FGGY: variants seen among roughly 807,000 people sequenced by gnomAD.
FGGY encodes the protein FGGY carbohydrate kinase domain-containing protein.
FGGY carries 72 observed loss-of-function variants against 71.3 expected under a neutral mutation model. The observed-to-expected ratio is 1.01, with a 90% CI of 0.84 to 1.23. The LOEUF is 1.23. Among genes scored for constraint, FGGY ranks in the 50% most tolerant of loss-of-function variants. The pLI is 0.00. For missense variants in FGGY, 668 were observed against 682.3 expected (o/e 0.98, Z 0.23); for synonymous variants, 251 against 250.3 (o/e 1.00, Z -0.02).
intron 14 of FGGY, among the ~76,000 whole-genome samples, chr1:59,722,264 T>C (rs1428711914): frequency 6.6e-6 from 1 of 152,166 alleles, no homozygotes; most frequent in Non-Finnish European, 1.5e-5. Context: ...GGATACTTAC[T>C]ATCAGTGTAA....
intron 8 of FGGY, among the ~76,000 whole-genome samples, chr1:59,575,965 C>A (rs910506438): frequency 7.9e-5 from 12 of 152,116 alleles, no homozygotes; most frequent in Non-Finnish European, 1.5e-4. Context: ...AAGATCATAT[C>A]ATCTGCAAAT....
chr1:59,470,596 C>T (rs112951684), intron 6 of FGGY, among the ~76,000 whole-genome samples: 22 of 152,296 alleles, frequency 1.4e-4, no homozygotes, highest in African/African-American at 4.8e-4. Context: ...GGAGCATTCA[C>T]ACCAATACTA....
chr1:59,708,642 A>G (rs1043006170), intron 14 of FGGY, among the ~76,000 whole-genome samples: 1 of 152,232 alleles, frequency 6.6e-6, no homozygotes, highest in African/African-American at 2.4e-5. Context: ...CTTCATTTGC[A>G]AATGAGGAAC....
intron 14 of FGGY, among the ~76,000 whole-genome samples, chr1:59,706,071 G>A (rs1022394221): frequency 2.0e-5 from 3 of 152,160 alleles, no homozygotes; most frequent in South Asian, 2.1e-4. Flanking sequence ...AGGGCTCTGG[G>A]GAACAGCTCC....
chr1:59,598,627 T>C (rs1468526621), intron 8 of FGGY, among the ~76,000 whole-genome samples: 1 of 152,108 alleles, frequency 6.6e-6, no homozygotes, highest in Non-Finnish European at 1.5e-5. Context: ...GTGTATCTTG[T>C]TTTGCTGAGA....
intron 7 of FGGY, among the ~76,000 whole-genome samples, chr1:59,542,225 G>C (rs1173956305): frequency 1.3e-5 from 2 of 152,070 alleles, no homozygotes; most frequent in Admixed American, 1.3e-4. Context: ...CCATGTCGTT[G>C]GCTCCTCAGG....
At chr1:59,628,342 C>T (rs1426860166) in intron 10 of FGGY, among the ~76,000 whole-genome samples, 1 of 152,104 alleles carries the variant, frequency 6.6e-6, no homozygotes, top group Non-Finnish European at 1.5e-5. Flanking sequence ...ATCAGACAAA[C>T]CTAGATTGAC....
intron 14 of FGGY, among the ~76,000 whole-genome samples, chr1:59,694,619 C>A (rs893098381): frequency 2.6e-5 from 4 of 151,102 alleles, no homozygotes; most frequent in Admixed American, 1.3e-4. Flanking sequence ...GAGTCTTCTT[C>A]GATATATTAA....
chr1:59,610,449 T>C (rs752369937), intron 9 of FGGY, among the ~76,000 whole-genome samples: 2 of 152,246 alleles, frequency 1.3e-5, no homozygotes, highest in African/African-American at 2.4e-5. Flanking sequence ...ATGGTGTATA[T>C]GTGCCACAAT....
At chr1:59,524,445 A>G (rs912226911) in intron 7 of FGGY, among the ~76,000 whole-genome samples, 4 of 152,200 alleles carry the variant, frequency 2.6e-5, no homozygotes, top group Non-Finnish European at 5.9e-5. Flanking sequence ...CTGGACTGCC[A>G]GTTCCAAGTG....
intron 8 of FGGY, among the ~76,000 whole-genome samples, chr1:59,571,000 A>AT (rs2095975988): frequency 6.6e-6 from 1 of 152,148 alleles, no homozygotes; most frequent in Non-Finnish European, 1.5e-5. Context: ...CCACAAAGTA[A>AT]TTTTAATCCA....
At chr1:59,427,574 T>A (rs570507853) in intron 5 of FGGY, among the ~76,000 whole-genome samples, 1 of 152,348 alleles carries the variant, frequency 6.6e-6, no homozygotes, top group South Asian at 2.1e-4. Context: ...CAGGAACATC[T>A]GTAGTCTCTG....
chr1:59,611,895 A>T (rs1253343844), intron 9 of FGGY, among the ~76,000 whole-genome samples: 1 of 152,266 alleles, frequency 6.6e-6, no homozygotes, highest in East Asian at 1.9e-4. Context: ...AAGAAAAGGT[A>T]TCAGTGATGG....
At chr1:59,336,390 G>A (rs6683244) in intron 2 of FGGY, among the ~76,000 whole-genome samples, 185 of 151,838 alleles carry the variant, frequency 1.2e-3, no homozygotes, top group African/African-American at 4.3e-3. Flanking sequence ...AAGTTTTGAA[G>A]TCAGATAGCA....
At chr1:59,542,521 A>G (rs545710911) in intron 7 of FGGY, among the ~76,000 whole-genome samples, 1 of 121,882 alleles carries the variant, frequency 8.2e-6, no homozygotes, top group East Asian at 2.5e-4. Flanking sequence ...GTGCGATGGC[A>G]CGATCTTGGC....
intron 7 of FGGY, among the ~76,000 whole-genome samples, chr1:59,521,291 G>A (rs558239309): frequency 3.9e-4 from 59 of 152,192 alleles, no homozygotes; most frequent in Non-Finnish European, 6.9e-4. Flanking sequence ...TGGAGGGAGG[G>A]GCAGAGAGCA....
chr1:59,405,875 G>A (rs375688771), intron 5 of FGGY, among the ~76,000 whole-genome samples: 28 of 151,566 alleles, frequency 1.8e-4, no homozygotes, highest in African/African-American at 6.3e-4. Context: ...ATGATCTCCC[G>A]TTAGGCTAAA....
At chr1:59,310,797 T>C (rs1324716899) in intron 1 of FGGY, among the ~76,000 whole-genome samples, 1 of 152,214 alleles carries the variant, frequency 6.6e-6, no homozygotes, top group East Asian at 1.9e-4. Context: ...AGCATGGTGC[T>C]TCAGCCACAA....
intron 7 of FGGY, among the ~76,000 whole-genome samples, chr1:59,550,200 G>A (rs1167389288): frequency 6.6e-6 from 1 of 152,060 alleles, no homozygotes; most frequent in East Asian, 1.9e-4. Context: ...GGGCCCCAGC[G>A]GTACCGAGGG....
Sources: gnomAD v4.1 joint callset for allele counts (sites outside exome capture counted in the v4.1 genomes callset) on GRCh38, gnomAD v4.1.1 for gene constraint, MANE v1.5 for transcripts, NCBI Gene and HGNC (gene_info 2026-07-23, HGNC 2026-07-21) for gene names.